Variants in PAX8 observed in about 807,000 individuals in gnomAD.
The protein encoded by PAX8 is paired box protein Pax-8.
Under a neutral mutation model 52.4 loss-of-function variants are expected in PAX8, and 15 were observed. That is an observed-to-expected ratio of 0.29 (90% CI 0.19 to 0.44). The LOEUF (loss-of-function observed/expected upper bound fraction) is 0.44, where lower values mean the gene tolerates loss of function less well. Ranked by LOEUF, PAX8 falls within the 20% of genes least tolerant of loss-of-function variation. PAX8 has a pLI of 1.00. For missense variants in PAX8, 554 were observed against 602.5 expected (o/e 0.92, Z 0.84); for synonymous variants, 284 against 249.7 (o/e 1.14, Z -1.29).
chr2:113,278,786 G>A lies in PAX8; in HGVS notation c.-76+45C>T, dbSNP rs942037472. The A allele has an allele frequency of 4.1e-5, 38 of 933,038 alleles. 1 individual carries two copies. The South Asian group carries it at 1.4e-3, about 33-fold the overall frequency. The allele number at this position is 933,038 out of a possible 1,614,324, so 57.8% of individuals were successfully genotyped here. A position where few individuals can be genotyped will look rare whatever the true frequency, so the allele number is the denominator to read the frequency against. On this transcript the variant is annotated intron_variant, in intron 1 of 11. Transcript: ENST00000429538. Reference sequence around the variant, plus strand: ...GACCCTCTCCTTTCTTCCATCCCCCGTCCTCACTGCTAGCCAGCTTCCAGC... The same window carrying A: ...GACCCTCTCCTTTCTTCCATCCCCCATCCTCACTGCTAGCCAGCTTCCAGC...
intron 2 of PAX8, chr2:113,266,705 T>C (rs926847607): frequency 2.0e-5 from 3 of 152,236 alleles, no homozygotes; most frequent in African/African-American, 7.2e-5. Flanking sequence ...GCTCAACTTC[T>C]TGAAAGTCAT....
In PAX8 at chr2:113,218,832, C is replaced by A. The variant is rs1689117509; in HGVS notation, c.1277-223G>T. Among the ~76,000 whole-genome samples the A allele has an allele frequency of 2.0e-5, 3 of 152,198 alleles. No homozygotes were observed. The South Asian group carries it at 6.2e-4, about 32-fold the overall frequency. On this transcript the variant is annotated intron_variant, in intron 11 of 11. Coordinates refer to ENST00000429538, the MANE Select transcript of PAX8 (RefSeq NM_003466.4). ...GAATGAGAACAGTGGCTTCTTGCCCCTTCCCCCTATGGCTGCTTTGACCTT... is the reference window on the plus strand; with the variant it reads ...GAATGAGAACAGTGGCTTCTTGCCCATTCCCCCTATGGCTGCTTTGACCTT...
chr2:113,216,713 T>C lies in PAX8; in HGVS notation c.*1820A>G. The C allele has an allele frequency of 4.4e-6, 1 of 226,772 alleles. No homozygotes were observed. The highest frequency in any genetic ancestry group is 8.8e-6 in the Non-Finnish European group (1 of 113,958). The allele number at this position is 226,772 out of a possible 1,614,324, so 14.0% of individuals were successfully genotyped here. On this transcript the variant is annotated 3_prime_UTR_variant, in exon 12 of 12. Transcript: ENST00000429538. ...CAAATCTTTAGCAAATCAAAAGAAATTAAATCCCCAGTGGCAGCTCCAGAA... is the reference window on the plus strand; with the variant it reads ...CAAATCTTTAGCAAATCAAAAGAAACTAAATCCCCAGTGGCAGCTCCAGAA...
In PAX8 at chr2:113,235,602, A is replaced by G; in HGVS notation, c.899-20T>C. ...GAGGATCTGCCGGAGGGAGGGAGAC[A>G]ACAAGGAGAGAGGGGTGTGAGATGG... is the stretch of plus-strand genomic sequence containing the variant. On this transcript the variant is annotated intron_variant, in intron 8 of 11. Coordinates refer to ENST00000429538, the MANE Select transcript of PAX8 (RefSeq NM_003466.4). 6.3e-7 allele frequency: 1 copy of G among 1,593,964 alleles called. No individual in the cohort carries two copies. The highest frequency in any genetic ancestry group is 8.6e-7 in the Non-Finnish European group (1 of 1,166,760).
chr2:113,271,143 C>T (rs7595282), intron 2 of PAX8: 25,823 of 152,182 alleles, frequency 0.17, 2,409 homozygotes, highest in African/African-American at 0.25. Context: ...ACATAACAAC[C>T]GGCACCTCCA....
intron 3 of PAX8, among the ~76,000 whole-genome samples, chr2:113,245,072 G>A (rs556387699): frequency 6.6e-6 from 1 of 150,970 alleles, no homozygotes; most frequent in East Asian, 1.9e-4. Context: ...TTTGAGACAG[G>A]GTCTCAATCT....
intron 9 of PAX8, 53 bp from the exon 10 acceptor site, chr2:113,227,309 T>C: frequency 1.4e-6 from 2 of 1,386,450 alleles, no homozygotes; most frequent in Non-Finnish European, 2.0e-6. Context: ...CTCCCATATG[T>C]ATCATCTCAC....
chr2:113,242,775 G>A lies in PAX8; in HGVS notation c.393C>T (p.Ile131=), dbSNP rs771313422. Reference sequence around the variant, plus strand: ...ATGGTTGCTGCACTTTGGTCCGGATGATTCTGTGATGAAGAGAAGAAAGGC... The same window carrying A: ...ATGGTTGCTGCACTTTGGTCCGGATAATTCTGTGATGAAGAGAAGAAAGGC... The part of the protein sequence containing the change: ...TVPSVSSINR[I]IRTKVQQPFN... Residue 131 remains isoleucine (I), a synonymous_variant, in exon 5 of 12, where the codon ATC becomes ATT. Coordinates refer to ENST00000429538, the MANE Select transcript of PAX8 (RefSeq NM_003466.4). 2 of 1,612,680 alleles carry A rather than the reference G, an allele frequency of 1.2e-6. No homozygotes were observed. Among genetic ancestry groups the A allele is most frequent in the Non-Finnish European group, 8.5e-7 (1 of 1,178,774 alleles).
At chr2:113,226,669 GTCA>G (rs34633676) in intron 10 of PAX8, 396 of 1,055,340 alleles carry the variant, frequency 3.8e-4, no homozygotes, top group African/African-American at 9.2e-4. Flanking sequence ...CATCGTCATC[GTCA>G]TCATCATCAT....
At chr2:113,234,368 G>A (rs906042940) in intron 9 of PAX8, among the ~76,000 whole-genome samples, 1 of 152,234 alleles carries the variant, frequency 6.6e-6, no homozygotes, top group African/African-American at 2.4e-5. Context: ...GACTCATGCA[G>A]TGCAGGCCCA....
At chr2:113,232,247 C>T (rs4564780) in intron 9 of PAX8, among the ~76,000 whole-genome samples, 2 of 152,250 alleles carry the variant, frequency 1.3e-5, no homozygotes, top group South Asian at 2.1e-4. Flanking sequence ...CTGAGCTCAG[C>T]ATGGACACCA....
rs144643254 is a variant in PAX8, at chr2:113,247,640, T to C, written c.26-721A>G. Among the ~76,000 whole-genome samples the C allele has an allele frequency of 1.6e-4, 24 of 152,332 alleles. 2 individuals carry two copies. The East Asian group carries it at 4.6e-3, about 29-fold the overall frequency. On this transcript the variant is annotated intron_variant, in intron 2 of 11. Coordinates refer to ENST00000429538, the MANE Select transcript of PAX8 (RefSeq NM_003466.4). ...CCACTGTGGGAATCTATCCACGTCA[T>C]GGATGTGTGTACACGTTCCCTTAGC...
chr2:113,242,718 G>C lies in PAX8; in HGVS notation c.450C>G (p.Thr150=). 6.2e-7 allele frequency: 1 copy of C among 1,613,718 alleles called. No individual in the cohort carries two copies. The highest frequency in any genetic ancestry group is 8.5e-7 in the Non-Finnish European group (1 of 1,179,676). Reference sequence around the variant, plus strand: ...GCGTGTGTCCGGGACTCAGGGACTTGGTGGCCACGCAGCTGTCCATAGGGA... The same window carrying C: ...GCGTGTGTCCGGGACTCAGGGACTTCGTGGCCACGCAGCTGTCCATAGGGA... The part of the protein sequence containing the change: ...FNLPMDSCVA[T]KSLSPGHTLI... Residue 150 remains threonine (T), a synonymous_variant, in exon 5 of 12, where the codon ACC becomes ACG. Coordinates refer to ENST00000429538, the MANE Select transcript of PAX8 (RefSeq NM_003466.4).
chr2:113,264,516 A>C (rs983694333), intron 2 of PAX8, among the ~76,000 whole-genome samples: 4 of 152,270 alleles, frequency 2.6e-5, no homozygotes, highest in African/African-American at 9.6e-5. Context: ...AGCAATAAAA[A>C]ATGTTATTGG....
intron 8 of PAX8, chr2:113,235,991 C>G (rs1690269432): frequency 5.0e-6 from 1 of 198,282 alleles, no homozygotes; most frequent in South Asian, 1.5e-4. Context: ...GCCCACCTTG[C>G]GGGAGCCGCC....
At chr2:113,232,404 G>A (rs1689952310) in intron 9 of PAX8, among the ~76,000 whole-genome samples, 1 of 152,208 alleles carries the variant, frequency 6.6e-6, no homozygotes, top group African/African-American at 2.4e-5. Flanking sequence ...CTTGGGCTAG[G>A]GGGCCCTGTG....
At chr2:113,275,307 G>C (rs1174944192) in intron 2 of PAX8, 1 of 152,114 alleles carries the variant, frequency 6.6e-6, no homozygotes, top group Non-Finnish European at 1.5e-5. Context: ...TGTGGAGGGT[G>C]GGGGGGAACC....
At chr2:113,276,699 G>T (rs1479855785) in intron 2 of PAX8, 1 of 150,664 alleles carries the variant, frequency 6.6e-6, no homozygotes, top group Non-Finnish European at 1.5e-5. Context: ...CGGGGACATC[G>T]TCTCATTTCT....
chr2:113,240,171 C>T (rs1690698718), intron 7 of PAX8: 1 of 152,612 alleles, frequency 6.6e-6, no homozygotes, highest in East Asian at 1.9e-4. Flanking sequence ...GCAGGCCCCC[C>T]ACTGCAACCC....
Sources: allele counts gnomAD v4.1 joint callset (sites outside exome capture counted in the v4.1 genomes callset), GRCh38; gene constraint gnomAD v4.1.1; transcripts MANE v1.5; gene names NCBI Gene and HGNC (gene_info 2026-07-23, HGNC 2026-07-21).